VWA8: variants seen among roughly 807,000 people sequenced by gnomAD.
VWA8 encodes the protein von Willebrand factor A domain-containing protein 8.
Under a neutral mutation model 241.5 loss-of-function variants are expected in VWA8, and 221 were observed. That is an observed-to-expected ratio of 0.91 (90% CI 0.82 to 1.02). The LOEUF is 1.02. VWA8 is among the 50% of genes least tolerant of loss of function. The pLI is 0.00. For synonymous variants in VWA8, 852 were observed against 827.1 expected, an observed-to-expected ratio of 1.03 and a Z score of -0.52; for missense variants, 2,322 against 2,328.7, an observed-to-expected ratio of 1.00 and a Z score of 0.06.
intron 38 of VWA8, among the ~76,000 whole-genome samples, chr13:41,613,150 A>G (rs1207600248): frequency 1.3e-5 from 2 of 152,162 alleles, no homozygotes; most frequent in Non-Finnish European, 2.9e-5. Flanking sequence ...ACTGAGCTTT[A>G]ACTGGTCTAA....
rs117456695 is a variant in VWA8 at position 41,844,997 on chromosome 13, C to T, written c.1426-11466G>A. On this transcript the variant is annotated intron_variant, in intron 12 of 44. Transcript: ENST00000379310. The stretch of plus-strand genomic sequence containing the variant: ...CCCAAAGCAATTTACAGATTCAATG[C>T]TATTCCTATCAAACTCTCAATGTCA... 8.0e-3 allele frequency among the ~76,000 whole-genome samples: 1,224 copies of T among 152,178 alleles called. 6 individuals are homozygous for T. The highest frequency in any genetic ancestry group is 0.014 in the Non-Finnish European group (925 of 67,994).
intron 12 of VWA8, among the ~76,000 whole-genome samples, chr13:41,860,636 T>C (rs1389231821): frequency 6.6e-6 from 1 of 152,208 alleles, no homozygotes; most frequent in Non-Finnish European, 1.5e-5. Flanking sequence ...GGTGAGTTTA[T>C]TGTCACTCTC....
intron 12 of VWA8, among the ~76,000 whole-genome samples, chr13:41,841,982 C>T (rs1350456682): frequency 6.7e-6 from 1 of 150,098 alleles, no homozygotes; most frequent in East Asian, 1.9e-4. Flanking sequence ...ATGAGTTTTA[C>T]TTATTAAGCA....
At position 41,567,811 on chromosome 13, in the gene VWA8, T is replaced by C. The variant is rs531601305; in HGVS notation, c.*386A>G. The C allele has an allele frequency of 1.1e-4, 18 of 162,890 alleles. No homozygotes were observed. The South Asian group carries it at 3.1e-3, about 28-fold the overall frequency. The allele number at this position is 162,890 out of a possible 1,614,324, so 10.1% of individuals were successfully genotyped here. On this transcript the variant is annotated 3_prime_UTR_variant, in exon 45 of 45. Coordinates refer to ENST00000379310, the MANE Select transcript of VWA8 (RefSeq NM_015058.2). ...CAGAATGTGACATCAAAGGCTCAGT[T>C]TGATGGGGTCACTTTTCTAACGTGA...
chr13:41,929,889 T>C (rs1448308205), intron 2 of VWA8, among the ~76,000 whole-genome samples: 1 of 152,134 alleles, frequency 6.6e-6, no homozygotes, highest in African/African-American at 2.4e-5. Flanking sequence ...TAAGTGAGAC[T>C]ACATAAAACT....
At chr13:41,788,205 T>C (rs1318532585) in intron 17 of VWA8, among the ~76,000 whole-genome samples, 1 of 152,174 alleles carries the variant, frequency 6.6e-6, no homozygotes, top group African/African-American at 2.4e-5. Flanking sequence ...CCAACGGATA[T>C]GACTTTTAAT....
At chr13:41,816,358 T>TA (rs1470238131) in intron 16 of VWA8, among the ~76,000 whole-genome samples, 3 of 152,108 alleles carry the variant, frequency 2.0e-5, no homozygotes, top group Non-Finnish European at 4.4e-5. Context: ...AAGCTGAACA[T>TA]AAAGATGTAG....
intron 26 of VWA8, among the ~76,000 whole-genome samples, chr13:41,712,871 A>G (rs1006876818): frequency 2.6e-5 from 4 of 152,250 alleles, no homozygotes; most frequent in Admixed American, 6.5e-5. Flanking sequence ...ATGAGCTAAC[A>G]TTTGTAAAGT....
At chr13:41,727,111 G>T in intron 24 of VWA8, 83 bp downstream of exon 24, 1 of 1,078,554 alleles carries the variant, frequency 9.3e-7, no homozygotes, top group Non-Finnish European at 1.3e-6. Flanking sequence ...CACATGATAA[G>T]CATTCAATGA....
At chr13:41,712,887 G>C (rs1191316002) in intron 26 of VWA8, among the ~76,000 whole-genome samples, 2 of 152,152 alleles carry the variant, frequency 1.3e-5, no homozygotes, top group African/African-American at 4.8e-5. Flanking sequence ...AAAGTGCTTA[G>C]AGCACTTAAT....
intron 20 of VWA8, among the ~76,000 whole-genome samples, chr13:41,774,128 A>G (rs1183147030): frequency 6.6e-6 from 1 of 151,872 alleles, no homozygotes; most frequent in Non-Finnish European, 1.5e-5. Flanking sequence ...TTAGGAATTT[A>G]TTTATTTATT....
At chr13:41,658,396 TA>T (rs1285452533) in intron 37 of VWA8, among the ~76,000 whole-genome samples, 1 of 152,278 alleles carries the variant, frequency 6.6e-6, no homozygotes, top group Non-Finnish European at 1.5e-5. Context: ...TTGCCATTTT[TA>T]TGGTTTCATC....
At chr13:41,792,865 T>C (rs950471055) in intron 17 of VWA8, among the ~76,000 whole-genome samples, 5 of 152,080 alleles carry the variant, frequency 3.3e-5, no homozygotes, top group African/African-American at 9.6e-5. Context: ...TATTTCCTTA[T>C]TGATTGTTAC....
rs370224908 is a variant in VWA8 at position 41,817,032 on chromosome 13, C to T, written c.1870-257G>A. The stretch of plus-strand genomic sequence containing the variant: ...TTCTCCATATACAATTCTATCACCA[C>T]GATAAAACTGAAGGGAGCCTTTAAC... On this transcript the variant is annotated intron_variant, in intron 15 of 44. Coordinates refer to ENST00000379310, the MANE Select transcript of VWA8 (RefSeq NM_015058.2). Among the ~76,000 whole-genome samples the T allele has an allele frequency of 1.7e-3, 260 of 152,238 alleles. 12 individuals carry two copies. The South Asian group carries it at 0.05, about 29-fold the overall frequency.
chr13:41,920,436 C>T (rs1593870248), intron 2 of VWA8, among the ~76,000 whole-genome samples: 2 of 151,940 alleles, frequency 1.3e-5, no homozygotes, highest in East Asian at 3.9e-4. Flanking sequence ...TAACTAAGAT[C>T]AGAGCAGAAC....
At chr13:41,676,107 G>A (rs995820292) in intron 35 of VWA8, among the ~76,000 whole-genome samples, 23 of 152,094 alleles carry the variant, frequency 1.5e-4, no homozygotes, top group African/African-American at 4.6e-4. Flanking sequence ...CATGTTATAC[G>A]GAGCTATTAC....
At chr13:41,675,651 G>A (rs191820143) in intron 35 of VWA8, among the ~76,000 whole-genome samples, 51 of 152,122 alleles carry the variant, frequency 3.4e-4, no homozygotes, top group Non-Finnish European at 2.9e-5. Flanking sequence ...TGGTGGAATC[G>A]GCACACTCTC....
At chr13:41,572,800 A>G (rs1374736998) in intron 43 of VWA8, among the ~76,000 whole-genome samples, 3 of 102,274 alleles carry the variant, frequency 2.9e-5, no homozygotes, top group African/African-American at 1.1e-4. Context: ...TAAATACTAA[A>G]AAAAAAAAAA....
Position 41,691,426 on chromosome 13 carries a change from C to G in VWA8, c.3760G>C (p.Asp1254His), listed in dbSNP as rs756628995. 6.2e-7 allele frequency: 1 copy of G among 1,612,472 alleles called. No individual in the cohort carries two copies. Among genetic ancestry groups the G allele is most frequent in the South Asian group, 1.1e-5 (1 of 91,012 alleles). Residue 1254 changes from aspartate (D) to histidine (H), a missense_variant, in exon 32 of 45, where the codon GAT becomes CAT. Physicochemically the swap from Asp to His is moderately conservative, Grantham distance 81. Coordinates refer to ENST00000379310, the MANE Select transcript of VWA8 (RefSeq NM_015058.2). ...GTGTGAGTTCGCCCTTCTAGAACATCCAGCACAGTCAGGCTGTTCCTGGAA... is the reference window on the plus strand; with the variant it reads ...GTGTGAGTTCGCCCTTCTAGAACATGCAGCACAGTCAGGCTGTTCCTGGAA... ...KEKGNSLTVL[D>H]VLEGRTHTIS...
Sources: gnomAD v4.1 joint callset for allele counts (sites outside exome capture counted in the v4.1 genomes callset) on GRCh38, gnomAD v4.1.1 for gene constraint, MANE v1.5 for transcripts, NCBI Gene and HGNC (gene_info 2026-07-23, HGNC 2026-07-21) for gene names.